Variants in MACROD2 observed in about 807,000 individuals in gnomAD.
The protein encoded by MACROD2 is mono-ADP ribosylhydrolase 2.
In MACROD2, 36 loss-of-function variants were observed where a neutral mutation model predicts 70.4. The ratio of observed to expected loss-of-function variants is 0.51; its 90% confidence interval spans 0.39 to 0.68. The LOEUF is 0.68. Ranked by LOEUF, MACROD2 falls within the 30% of genes least tolerant of loss-of-function variation. The pLI is 0.00. For synonymous variants in MACROD2, 172 were observed against 178.8 expected (o/e 0.96, Z 0.30); for missense variants, 496 against 538.4 (o/e 0.92, Z 0.78).
At chr20:15,045,298 C>G (rs1011672792) in intron 5 of MACROD2, among the ~76,000 whole-genome samples, 1 of 152,196 alleles carries the variant, frequency 6.6e-6, no homozygotes, top group African/African-American at 2.4e-5. Context: ...AGAATGTCAG[C>G]TTGGGAATCC....
chr20:14,810,990 T>G (rs1042330982), intron 5 of MACROD2, among the ~76,000 whole-genome samples: 4 of 152,128 alleles, frequency 2.6e-5, no homozygotes, highest in Admixed American at 2.6e-4. Context: ...GAAGAATCAA[T>G]ATCATGAAAA....
chr20:14,480,081 C>G (rs747380872), intron 3 of MACROD2, among the ~76,000 whole-genome samples: 1 of 152,110 alleles, frequency 6.6e-6, no homozygotes, highest in Non-Finnish European at 1.5e-5. Context: ...GACAGAGTCT[C>G]TCTATGTTGC....
chr20:15,631,308 T>C (rs901737253), intron 8 of MACROD2, among the ~76,000 whole-genome samples: 2 of 152,190 alleles, frequency 1.3e-5, no homozygotes, highest in Admixed American at 6.5e-5. Flanking sequence ...ATATGAAGTG[T>C]ATGTTCAGCT....
chr20:15,474,814 G>A (rs1685540903), intron 7 of MACROD2, among the ~76,000 whole-genome samples: 1 of 152,076 alleles, frequency 6.6e-6, no homozygotes, highest in Non-Finnish European at 1.5e-5. Context: ...GACCCTGGCT[G>A]GATGTCAGCC....
chr20:14,679,694 T>C (rs181462082), intron 4 of MACROD2, among the ~76,000 whole-genome samples: 4 of 152,148 alleles, frequency 2.6e-5, no homozygotes, highest in African/African-American at 7.2e-5. Flanking sequence ...CTTTTGAGCA[T>C]AGAATTGATA....
chr20:14,922,770 G>A (rs950031441), intron 5 of MACROD2, among the ~76,000 whole-genome samples: 1 of 152,090 alleles, frequency 6.6e-6, no homozygotes, highest in Non-Finnish European at 1.5e-5. Flanking sequence ...GAAAATCACT[G>A]AACTACATAT....
intron 8 of MACROD2, among the ~76,000 whole-genome samples, chr20:15,775,634 A>G (rs1032477951): frequency 6.6e-6 from 1 of 152,152 alleles, no homozygotes; most frequent in Non-Finnish European, 1.5e-5. Flanking sequence ...CATATGGAAT[A>G]GCCAAATATT....
chr20:14,576,935 C>T (rs1980641083), intron 4 of MACROD2, among the ~76,000 whole-genome samples: 2 of 152,232 alleles, frequency 1.3e-5, no homozygotes, highest in Admixed American at 1.3e-4. Context: ...TATAAATATA[C>T]CTAATAGTAG....
At chr20:14,146,799 GTCCCTTGCT>G (rs2054948642) in intron 3 of MACROD2, among the ~76,000 whole-genome samples, 2 of 152,198 alleles carry the variant, frequency 1.3e-5, no homozygotes, top group African/African-American at 4.8e-5. Context: ...AGAGGTTAAA[GTCCCTTGCT>G]GGACGGGAGG....
intron 3 of MACROD2, among the ~76,000 whole-genome samples, chr20:14,171,892 G>A (rs2081223669): frequency 6.6e-6 from 1 of 152,070 alleles, no homozygotes; most frequent in Non-Finnish European, 1.5e-5. Flanking sequence ...TTTCTTTGTT[G>A]ACTTTCTGTC....
chr20:14,014,070 A>ACATAGTC (rs1316549503), intron 2 of MACROD2, among the ~76,000 whole-genome samples: 2 of 152,340 alleles, frequency 1.3e-5, no homozygotes, highest in South Asian at 2.1e-4. Flanking sequence ...TAACTTCATC[A>ACATAGTC]CATAGTCTAC....
At chr20:14,992,880 A>G (rs2074917456) in intron 5 of MACROD2, among the ~76,000 whole-genome samples, 1 of 151,098 alleles carries the variant, frequency 6.6e-6, no homozygotes, top group Non-Finnish European at 1.5e-5. Flanking sequence ...AACCTGACAT[A>G]AAAGTCCATA....
chr20:14,282,461 G>A (rs2082313614), intron 3 of MACROD2, among the ~76,000 whole-genome samples: 1 of 152,158 alleles, frequency 6.6e-6, no homozygotes, highest in Non-Finnish European at 1.5e-5. Context: ...CTCTCCATGT[G>A]ACCTGGGCTT....
intron 5 of MACROD2, among the ~76,000 whole-genome samples, chr20:14,825,594 CT>C: frequency 6.6e-6 from 1 of 151,986 alleles, no homozygotes; most frequent in East Asian, 1.9e-4. Flanking sequence ...TGTTCTTTTC[CT>C]TCGCTGTTTG....
intron 6 of MACROD2, among the ~76,000 whole-genome samples, chr20:15,399,608 G>C (rs1454248030): frequency 6.6e-6 from 1 of 152,210 alleles, no homozygotes; most frequent in African/African-American, 2.4e-5. Context: ...AGCGTAGCTA[G>C]ATTTGAGCCA....
At chr20:14,425,641 G>T (rs967315464) in intron 3 of MACROD2, among the ~76,000 whole-genome samples, 1 of 152,044 alleles carries the variant, frequency 6.6e-6, no homozygotes, top group African/African-American at 2.4e-5. Flanking sequence ...TTGTCTTTCT[G>T]AAGAGGATTT....
At chr20:14,897,852 C>T (rs1025266845) in intron 5 of MACROD2, among the ~76,000 whole-genome samples, 6 of 152,022 alleles carry the variant, frequency 3.9e-5, no homozygotes, top group African/African-American at 4.8e-5. Context: ...CATAGATGGC[C>T]GTCTTCTCAT....
intron 5 of MACROD2, among the ~76,000 whole-genome samples, chr20:14,901,298 A>G (rs566525489): frequency 6.6e-6 from 1 of 152,250 alleles, no homozygotes; most frequent in South Asian, 2.1e-4. Flanking sequence ...TAGAGTGCCT[A>G]TAATCCTTTA....
chr20:14,997,017 C>T (rs749486920), intron 5 of MACROD2, among the ~76,000 whole-genome samples: 7 of 152,202 alleles, frequency 4.6e-5, no homozygotes, highest in Non-Finnish European at 1.0e-4. Context: ...GCTGAGCTCA[C>T]AGCCAGTGGA....
Sources: allele counts gnomAD v4.1 joint callset (sites outside exome capture counted in the v4.1 genomes callset), GRCh38; gene constraint gnomAD v4.1.1; transcripts MANE v1.5; gene names NCBI Gene and HGNC (gene_info 2026-07-23, HGNC 2026-07-21).